The following HRH1 variants were observed in gnomAD, a reference collection of about 807,000 sequenced individuals.
HRH1 encodes histamine receptor H1.
Under a neutral mutation model 10.3 loss-of-function variants are expected in HRH1, and 6 were observed. That is an observed-to-expected ratio of 0.58 (90% CI 0.32 to 1.15). HRH1 has a LOEUF of 1.15. Ranked by LOEUF, HRH1 falls within the 50% of genes most tolerant of loss-of-function variation. HRH1 has a pLI of 0.05. For synonymous variants in HRH1, 242 were observed against 236.7 expected (o/e 1.02, Z -0.21); for missense variants, 514 against 615.3 (o/e 0.84, Z 1.74).
intron 1 of HRH1, among the ~76,000 whole-genome samples, chr3:11,244,650 G>T (rs112952361): frequency 0.026 from 3,961 of 152,360 alleles, 166 homozygotes; most frequent in African/African-American, 0.086. Context: ...CCTTGAGGAA[G>T]TTTGGAGTAT....
At chr3:11,139,306 A>T in intron 1 of HRH1, among the ~76,000 whole-genome samples, 1 of 142,634 alleles carries the variant, frequency 7.0e-6, no homozygotes. Flanking sequence ...TTGAGGTGGA[A>T]TCTTGCTCTG....
chr3:11,185,834 T>C (rs1937442813), intron 1 of HRH1, among the ~76,000 whole-genome samples: 1 of 152,194 alleles, frequency 6.6e-6, no homozygotes, highest in Non-Finnish European at 1.5e-5. Context: ...CCTGGAATGT[T>C]GGCACTCAGA....
chr3:11,141,777 A>C (rs1347823340), intron 1 of HRH1, among the ~76,000 whole-genome samples: 1 of 152,116 alleles, frequency 6.6e-6, no homozygotes, highest in African/African-American at 2.4e-5. Context: ...AGTGTGGGTT[A>C]CCCAAGAACA....
chr3:11,145,257 C>T (rs1012535636), intron 1 of HRH1, among the ~76,000 whole-genome samples: 3 of 152,204 alleles, frequency 2.0e-5, no homozygotes, highest in Non-Finnish European at 4.4e-5. Context: ...TCTGTGGCTT[C>T]GTCGTTTTGT....
intron 1 of HRH1, among the ~76,000 whole-genome samples, chr3:11,198,333 C>A (rs972055927): frequency 2.0e-5 from 3 of 152,140 alleles, no homozygotes; most frequent in Non-Finnish European, 4.4e-5. Context: ...CAATTCCCGA[C>A]GCTCTTAACA....
chr3:11,148,810 C>CTTTTTT (rs755029776), intron 1 of HRH1, among the ~76,000 whole-genome samples: 6 of 84,418 alleles, frequency 7.1e-5, no homozygotes, highest in Non-Finnish European at 1.1e-4. Flanking sequence ...AAACCACAGT[C>CTTTTTT]TTTTTTTTTT....
chr3:11,163,495 C>T (rs56318002), intron 1 of HRH1, among the ~76,000 whole-genome samples: 7,264 of 152,190 alleles, frequency 0.048, 345 homozygotes, highest in African/African-American at 0.12. Context: ...AGTTTGAACC[C>T]GAGCTCTACC....
At chr3:11,219,769 A>G (rs1228479757) in intron 1 of HRH1, among the ~76,000 whole-genome samples, 3 of 151,692 alleles carry the variant, frequency 2.0e-5, no homozygotes, top group Non-Finnish European at 4.4e-5. Context: ...TAACAATTCA[A>G]TCAATGCACT....
intron 1 of HRH1, among the ~76,000 whole-genome samples, chr3:11,157,744 G>A (rs1473333823): frequency 6.6e-6 from 1 of 152,222 alleles, no homozygotes; most frequent in Non-Finnish European, 1.5e-5. Flanking sequence ...AGCTTGGATG[G>A]CAAGGGCCAT....
chr3:11,234,010 T>C (rs1473049880), intron 1 of HRH1, among the ~76,000 whole-genome samples: 1 of 152,152 alleles, frequency 6.6e-6, no homozygotes, highest in Admixed American at 6.5e-5. Context: ...TTCAGGGCAA[T>C]CTGAGAAGAG....
chr3:11,139,100 G>C (rs1936242373), intron 1 of HRH1, among the ~76,000 whole-genome samples: 2 of 150,616 alleles, frequency 1.3e-5, no homozygotes, highest in Non-Finnish European at 2.9e-5. Context: ...TGATTCTCCT[G>C]CCTCAGCCTC....
chr3:11,150,835 A>C (rs889599854), upstream of HRH1, among the ~76,000 whole-genome samples: 1 of 152,158 alleles, frequency 6.6e-6, no homozygotes, highest in South Asian at 2.1e-4. Context: ...TGTTTCCTAG[A>C]GGAGGGAAGA....
intron 1 of HRH1, among the ~76,000 whole-genome samples, chr3:11,241,606 G>A (rs1939338476): frequency 2.0e-5 from 3 of 150,426 alleles, no homozygotes; most frequent in Non-Finnish European, 4.4e-5. Flanking sequence ...GGCCGAGGCG[G>A]GTGGATCACG....
chr3:11,259,731 C>G lies in HRH1; in HGVS notation c.694C>G (p.Pro232Ala). ...QHRELINRSLPSFSEIKLRPE... is the reference protein window; with the variant it reads ...QHRELINRSLASFSEIKLRPE... ...CCGGGAGCTCATCAATAGGTCCCTC[C>G]CTTCCTTCTCAGAAATTAAGCTGAG... Residue 232 changes from proline to alanine, a missense_variant, in exon 2 of 2, where the codon CCT (proline) becomes GCT (alanine). Physicochemically the swap from Pro to Ala is conservative, Grantham distance 27. Coordinates refer to ENST00000431010, the MANE Select transcript of HRH1 (RefSeq NM_001098212.2). The surrounding 1 kb of genome is among the most constrained non-coding windows in gnomAD (Gnocchi z 4.6). 6.2e-7 allele frequency: 1 copy of G among 1,614,050 alleles called. No homozygotes were observed. Among genetic ancestry groups the G allele is most frequent in the Admixed American group, 1.7e-5 (1 of 60,016 alleles).
intron 1 of HRH1, among the ~76,000 whole-genome samples, chr3:11,146,245 ATTC>A (rs1936440441): frequency 6.6e-6 from 1 of 152,130 alleles, no homozygotes; most frequent in Admixed American, 6.5e-5. Context: ...TATTTCATCC[ATTC>A]TGGAGGAGAC....
intron 1 of HRH1, among the ~76,000 whole-genome samples, chr3:11,177,544 G>A (rs973902588): frequency 2.0e-5 from 3 of 152,102 alleles, no homozygotes; most frequent in Non-Finnish European, 2.9e-5. Flanking sequence ...GGGCTTCTGC[G>A]CTCACATTCA....
chr3:11,262,531 G>A lies in HRH1; in HGVS notation c.*2030G>A, dbSNP rs1238720233. The A allele has an allele frequency of 7.2e-5, 12 of 167,170 alleles. No individual in the cohort carries two copies. The highest frequency in any genetic ancestry group is 5.9e-4 in the Admixed American group (9 of 15,310). 10.4% of individuals were successfully genotyped at this position (167,170 alleles called of 1,614,324 possible). ...GGGGAGTTTAGGAGACTTTAATCCC[G>A]GTTTCAGAAGCTGCAGCTGGTCTGT... On this transcript the variant is annotated 3_prime_UTR_variant, in exon 2 of 2. Coordinates refer to ENST00000431010, the MANE Select transcript of HRH1 (RefSeq NM_001098212.2).
intron 1 of HRH1, among the ~76,000 whole-genome samples, chr3:11,162,849 GGTTTTGTTTT>G (rs529386049): frequency 1.3e-5 from 2 of 152,052 alleles, no homozygotes; most frequent in Non-Finnish European, 1.5e-5. Flanking sequence ...GTTATTCTTG[GGTTTTGTTTT>G]GTTTTGTTTT....
chr3:11,189,327 C>T (rs1485538716), intron 1 of HRH1, among the ~76,000 whole-genome samples: 5 of 152,198 alleles, frequency 3.3e-5, no homozygotes, highest in Non-Finnish European at 5.9e-5. Context: ...TCCAAGTATT[C>T]AATCCTTCTC....
Sources: gnomAD v4.1 joint callset for allele counts (sites outside exome capture counted in the v4.1 genomes callset) on GRCh38, gnomAD v4.1.1 for gene constraint, Gnocchi (gnomAD v3.1) non-coding constraint, MANE v1.5 for transcripts, NCBI Gene and HGNC (gene_info 2026-07-23, HGNC 2026-07-21) for gene names.